The following PUSL1 variants were observed in gnomAD, a reference collection of about 807,000 sequenced individuals.
PUSL1 encodes the protein tRNA pseudouridine synthase-like 1.
A neutral mutation model predicts 30.7 loss-of-function variants in PUSL1; 51 were observed. The ratio of observed to expected loss-of-function variants is 1.66; its 90% confidence interval spans 1.33 to 2.10. The LOEUF is 2.10. Among genes scored for constraint, PUSL1 ranks in the 30% most tolerant of loss-of-function variants. The pLI, the probability that PUSL1 is intolerant of heterozygous loss-of-function variation, is 0.00. For missense variants in PUSL1, 609 were observed against 427.6 expected, an observed-to-expected ratio of 1.42 and a Z score of -3.74; for synonymous variants, 290 against 192.1, an observed-to-expected ratio of 1.51 and a Z score of -4.21.
rs762489649 is a variant in PUSL1 at position 1,308,636 on chromosome 1, G to C, written c.-8G>C. On this transcript the variant is annotated 5_prime_UTR_variant, in exon 1 of 8. Coordinates refer to ENST00000379031, the MANE Select transcript of PUSL1 (RefSeq NM_153339.3). ...GGCCGCCTCTGACGCCACCGGCTGGGCTCCGCCATGAGTTCGGCGCCGGCC... is the reference window on the plus strand; with the variant it reads ...GGCCGCCTCTGACGCCACCGGCTGGCCTCCGCCATGAGTTCGGCGCCGGCC... The C allele has an allele frequency of 6.6e-7, 1 of 1,506,226 alleles. No individual in the cohort carries two copies. The allele number at this position is 1,506,226 out of a possible 1,614,324, so 93.3% of individuals were successfully genotyped here.
chr1:1,309,456 T>A lies in PUSL1; in HGVS notation c.326T>A (p.Val109Asp), dbSNP rs562174379. Residue 109 changes from valine to aspartate, a missense_variant and splice_region_variant, in exon 4 of 8, where the codon GTC becomes GAC. Transcript: ENST00000379031. ...GTGAGCTTTACCTGCCGCCATAGGG[T>A]CCTGCGGGCCTTCCGAGTGCCCAGC... ...NTHLRHPAIR[V>D]LRAFRVPSDF... is the part of the protein sequence containing the mutation. The A allele has an allele frequency of 8.1e-6, 13 of 1,599,654 alleles. No homozygotes were observed. The highest frequency in any genetic ancestry group is 1.1e-5 in the South Asian group (1 of 89,372).
chr1:1,311,211 G>T lies in PUSL1; in HGVS notation c.863-119G>T. On this transcript the variant is annotated intron_variant, in intron 7 of 7. Coordinates refer to ENST00000379031, the MANE Select transcript of PUSL1 (RefSeq NM_153339.3). ...CCCGCCCAGGGCTGCAGTCCCTCAG[G>T]CCAGCCCGTAGCCCGTCCTGGGCTG... The T allele has an allele frequency of 2.1e-6, 3 of 1,410,426 alleles. No individual in the cohort carries two copies. The South Asian group carries it at 4.1e-5, about 19-fold the overall frequency. The allele number at this position is 1,410,426 out of a possible 1,614,324, so 87.4% of individuals were successfully genotyped here. A position where few individuals can be genotyped will look rare whatever the true frequency, so the allele number is the denominator to read the frequency against.
chr1:1,309,854 G>T lies in PUSL1; in HGVS notation c.644+3G>T. 1 of 1,508,472 alleles carries T rather than the reference G, an allele frequency of 6.6e-7. No individual in the cohort carries two copies. Among genetic ancestry groups the T allele is most frequent in the South Asian group, 1.3e-5 (1 of 79,880 alleles). The allele number at this position is 1,508,472 out of a possible 1,614,324, so 93.4% of individuals were successfully genotyped here. On this transcript the variant is annotated splice_donor_region_variant and intron_variant, in intron 5 of 7. Coordinates refer to ENST00000379031, the MANE Select transcript of PUSL1 (RefSeq NM_153339.3). ...TTGGTCACCCCCGAGGAGAGCAGGT[G>T]AGGAAGGGCCCCTGGGCTGTGGCCC...
Position 1,309,773 on chromosome 1 carries a change from C to T in PUSL1, c.566C>T (p.Pro189Leu), listed in dbSNP as rs1206669897. The T allele has an allele frequency of 1.3e-6, 2 of 1,571,196 alleles. No individual in the cohort carries two copies. The highest frequency in any genetic ancestry group is 1.4e-5 in the African/African-American group (1 of 73,858). The change falls in exon 5 of 8, where the codon CCG becomes CTG. Residue 189 changes from proline to leucine, a missense_variant. Transcript: ENST00000379031. The stretch of plus-strand genomic sequence containing the variant: ...TTCCAGTCCGCTGGCAGCCCGGTGC[C>T]GAGCCCCGTGCGAACGCTGCGCCGG... ...SAFQSAGSPV[P>L]SPVRTLRRVS...
chr1:1,311,076 G>A lies in PUSL1; in HGVS notation c.862+5G>A, dbSNP rs377032625. ...CAGTGCTGTACGGGAACCTCGGTAAGAAAAACAGGCACGAGAAGCTCCTGT... is the reference window on the plus strand; with the variant it reads ...CAGTGCTGTACGGGAACCTCGGTAAAAAAAACAGGCACGAGAAGCTCCTGT... On this transcript the variant is annotated splice_donor_5th_base_variant and intron_variant, in intron 7 of 7. Coordinates refer to ENST00000379031, the MANE Select transcript of PUSL1 (RefSeq NM_153339.3). 6 of 1,593,910 alleles carry A rather than the reference G, an allele frequency of 3.8e-6. No homozygotes were observed. The highest frequency in any genetic ancestry group is 5.1e-6 in the Non-Finnish European group (6 of 1,166,038).
chr1:1,309,677 G>A lies in PUSL1; in HGVS notation c.474-4G>A. On this transcript the variant is annotated splice_region_variant and splice_polypyrimidine_tract_variant and intron_variant, in intron 4 of 7. Coordinates refer to ENST00000379031, the MANE Select transcript of PUSL1 (RefSeq NM_153339.3). ...CCTCCTGACGGTCACCCTGGTCCCTGAAGCTGCCTGGATATGGTCGCCATG... is the reference window on the plus strand; with the variant it reads ...CCTCCTGACGGTCACCCTGGTCCCTAAAGCTGCCTGGATATGGTCGCCATG... The A allele has an allele frequency of 6.3e-7, 1 of 1,595,802 alleles. No homozygotes were observed. Among genetic ancestry groups the A allele is most frequent in the Non-Finnish European group, 8.6e-7 (1 of 1,167,370 alleles).
In PUSL1 at chr1:1,308,933, G is replaced by T; in HGVS notation, c.96G>T (p.Arg32Ser). Residue 32 changes from arginine to serine, a missense_variant, in exon 2 of 8, where the codon AGG becomes AGT. Arg to Ser is a moderately radical substitution (Grantham distance 110). Transcript: ENST00000379031. ...CCCGCAGCGGGGTCGCGGCCGTCAG[G>T]GGCACTCAGCGCGCCGTCGGGGTCC... ...GTDFNGVAAV[R>S]GTQRAVGVQN... The T allele has an allele frequency of 1.4e-6, 2 of 1,421,174 alleles. No homozygotes were observed. Among genetic ancestry groups the T allele is most frequent in the Non-Finnish European group, 9.2e-7 (1 of 1,091,014 alleles). The allele number at this position is 1,421,174 out of a possible 1,614,324, so 88.0% of individuals were successfully genotyped here.
At position 1,308,946 on chromosome 1, in the gene PUSL1, G is replaced by A. The variant is rs1177429105; in HGVS notation, c.109G>A (p.Ala37Thr). The A allele has an allele frequency of 7.0e-7, 1 of 1,420,358 alleles. No individual in the cohort carries two copies. Among genetic ancestry groups the A allele is most frequent in the Non-Finnish European group, 9.2e-7 (1 of 1,090,848 alleles). 88.0% of individuals were successfully genotyped at this position (1,420,358 alleles called of 1,614,324 possible). The change falls in exon 2 of 8, where the codon GCC (alanine) becomes ACC (threonine). Residue 37 changes from alanine (A) to threonine (T), a missense_variant. Physicochemically the swap from Ala to Thr is moderately conservative, Grantham distance 58 (BLOSUM62 0). Coordinates refer to ENST00000379031, the MANE Select transcript of PUSL1 (RefSeq NM_153339.3). ...GVAAVRGTQRAVGVQNYLEEA... is the reference protein window; with the variant it reads ...GVAAVRGTQRTVGVQNYLEEA... ...CGCGGCCGTCAGGGGCACTCAGCGC[G>A]CCGTCGGGGTCCAGAACTACCTGGA...
chr1:1,311,054 T>G lies in PUSL1; in HGVS notation c.845T>G (p.Val282Gly). 6.2e-7 allele frequency: 1 copy of G among 1,606,432 alleles called. No individual in the cohort carries two copies. Among genetic ancestry groups the G allele is most frequent in the Non-Finnish European group, 8.5e-7 (1 of 1,174,954 alleles). Reference protein sequence around the residue: ...APAHGLFLKSVLYGNLGAASC... With the variant: ...APAHGLFLKSGLYGNLGAASC... Reference sequence around the variant, plus strand: ...GCCCACGGCTTATTCCTCAAGTCAGTGCTGTACGGGAACCTCGGTAAGAAA... The same window carrying G: ...GCCCACGGCTTATTCCTCAAGTCAGGGCTGTACGGGAACCTCGGTAAGAAA... Residue 282 changes from valine to glycine, a missense_variant, in exon 7 of 8, where the codon GTG (valine) becomes GGG (glycine). Physicochemically the swap from Val to Gly is moderately radical, Grantham distance 109. Transcript: ENST00000379031.
chr1:1,309,219 C>A lies in PUSL1; in HGVS notation c.269C>A (p.Pro90Gln). 6.6e-7 allele frequency: 1 copy of A among 1,521,750 alleles called. No individual in the cohort carries two copies. Among genetic ancestry groups the A allele is most frequent in the Non-Finnish European group, 8.7e-7 (1 of 1,142,958 alleles). The allele number at this position is 1,521,750 out of a possible 1,614,324, so 94.3% of individuals were successfully genotyped here. A position where few individuals can be genotyped will look rare whatever the true frequency, so the allele number is the denominator to read the frequency against. Residue 90 changes from proline (P) to glutamine (Q), a missense_variant, in exon 3 of 8, where the codon CCG becomes CAG. Physicochemically the swap from Pro to Gln is moderately conservative, Grantham distance 76. Transcript: ENST00000379031. ...CGCCGCTCAGGCCGGCCGCCCTTCCCGCCCGAGGTCCTGGCCGAGGCCCTC... is the reference window on the plus strand; with the variant it reads ...CGCCGCTCAGGCCGGCCGCCCTTCCAGCCCGAGGTCCTGGCCGAGGCCCTC... ...VQRRSGRPPFPPEVLAEALNT... is the reference protein window; with the variant it reads ...VQRRSGRPPFQPEVLAEALNT...
Position 1,309,222 on chromosome 1 carries a change from C to G in PUSL1, c.272C>G (p.Pro91Arg), listed in dbSNP as rs775701586. 1.2e-4 allele frequency: 179 copies of G among 1,519,470 alleles called. No homozygotes were observed. The highest frequency in any genetic ancestry group is 1.5e-4 in the Non-Finnish European group (175 of 1,142,076). The allele number at this position is 1,519,470 out of a possible 1,614,324, so 94.1% of individuals were successfully genotyped here. A position where few individuals can be genotyped will look rare whatever the true frequency, so the allele number is the denominator to read the frequency against. Residue 91 changes from proline (P) to arginine (R), a missense_variant, in exon 3 of 8, where the codon CCC becomes CGC. Pro to Arg is a moderately radical substitution (Grantham distance 103, BLOSUM62 -2). Coordinates refer to ENST00000379031, the MANE Select transcript of PUSL1 (RefSeq NM_153339.3). ...CGCTCAGGCCGGCCGCCCTTCCCGCCCGAGGTCCTGGCCGAGGCCCTCAAC... is the reference window on the plus strand; with the variant it reads ...CGCTCAGGCCGGCCGCCCTTCCCGCGCGAGGTCCTGGCCGAGGCCCTCAAC... Reference protein sequence around the residue: ...QRRSGRPPFPPEVLAEALNTH... With the variant: ...QRRSGRPPFPREVLAEALNTH...
chr1:1,308,817 T>G (rs1641916281), intron 1 of PUSL1, 97 bp downstream of exon 1: 1 of 1,441,130 alleles, frequency 6.9e-7, no homozygotes, highest in African/African-American at 1.5e-5. Flanking sequence ...GGACGCGGGT[T>G]CCAAACGTTC....
At chr1:1,311,225 C>A (rs540616703) in intron 7 of PUSL1, 105 bp from the exon 8 acceptor site, 1 of 1,393,056 alleles carries the variant, frequency 7.2e-7, no homozygotes, top group Non-Finnish European at 9.6e-7. Context: ...GCCCGTAGCC[C>A]GTCCTGGGCT....
chr1:1,311,384 G>A lies in PUSL1; in HGVS notation c.*5G>A. On this transcript the variant is annotated 3_prime_UTR_variant, in exon 8 of 8. Coordinates refer to ENST00000379031, the MANE Select transcript of PUSL1 (RefSeq NM_153339.3). ...CAGTTCGGGAGCCACGGATGACCCT[G>A]GACACTCAAGCCAAAGTTAGGCCAC... 1.2e-6 allele frequency: 2 copies of A among 1,602,238 alleles called. No individual in the cohort carries two copies. Among genetic ancestry groups the A allele is most frequent in the Admixed American group, 1.7e-5 (1 of 59,054 alleles).
chr1:1,311,307 C>A (rs763696365), intron 7 of PUSL1, 23 bp from the exon 8 acceptor site: 3 of 1,533,552 alleles, frequency 2.0e-6, no homozygotes, highest in South Asian at 1.2e-5. Flanking sequence ...CCCAGGCTGA[C>A]GCAGGGTCTG....
rs757759017 is a variant in PUSL1 at position 1,311,067 on chromosome 1, C to G, written c.858C>G (p.Asn286Lys). 4.4e-6 allele frequency: 7 copies of G among 1,597,180 alleles called. No homozygotes were observed. Among genetic ancestry groups the G allele is most frequent in the East Asian group, 4.5e-5 (2 of 44,500 alleles). The change falls in exon 7 of 8, where the codon AAC becomes AAG. Residue 286 changes from asparagine to lysine, a missense_variant. Transcript: ENST00000379031. ...TCCTCAAGTCAGTGCTGTACGGGAACCTCGGTAAGAAAAACAGGCACGAGA... is the reference window on the plus strand; with the variant it reads ...TCCTCAAGTCAGTGCTGTACGGGAAGCTCGGTAAGAAAAACAGGCACGAGA... The part of the protein sequence containing the change: ...GLFLKSVLYG[N>K]LGAASCTLQG...
Position 1,311,354 on chromosome 1 carries a change from G to A in PUSL1, c.887G>A (p.Gly296Glu), listed in dbSNP as rs779967837. 5.0e-6 allele frequency: 8 copies of A among 1,594,884 alleles called. No homozygotes were observed. Among genetic ancestry groups the A allele is most frequent in the African/African-American group, 1.3e-5 (1 of 74,768 alleles). The change falls in exon 8 of 8, where the codon GGG becomes GAG. Residue 296 changes from glycine to glutamate, a missense_variant. Coordinates refer to ENST00000379031, the MANE Select transcript of PUSL1 (RefSeq NM_153339.3). Reference protein sequence around the residue: ...NLGAASCTLQGPQFGSHG With the variant: ...NLGAASCTLQEPQFGSHG ...GGTGCTGCCTCCTGCACCCTGCAGG[G>A]GCCACAGTTCGGGAGCCACGGATGA...
At chr1:1,309,628 A>G in intron 4 of PUSL1, 25 bp downstream of exon 4, 1 of 1,597,226 alleles carries the variant, frequency 6.3e-7, no homozygotes, top group African/African-American at 1.3e-5. Context: ...GACAGCGGGG[A>G]GGGGGCGGGC....
chr1:1,311,343 C>T lies in PUSL1; in HGVS notation c.876C>T (p.Cys292=). 2 of 1,588,352 alleles carry T rather than the reference C, an allele frequency of 1.3e-6. No homozygotes were observed. The highest frequency in any genetic ancestry group is 1.1e-5 in the South Asian group (1 of 88,264). ...VLYGNLGAAS[C]TLQGPQFGSH... ...GTCCGTCCACAGGTGCTGCCTCCTGCACCCTGCAGGGGCCACAGTTCGGGA... is the reference window on the plus strand; with the variant it reads ...GTCCGTCCACAGGTGCTGCCTCCTGTACCCTGCAGGGGCCACAGTTCGGGA... The change falls in exon 8 of 8, where the codon TGC becomes TGT. Residue 292 remains cysteine, a synonymous_variant. Coordinates refer to ENST00000379031, the MANE Select transcript of PUSL1 (RefSeq NM_153339.3).
Sources: allele counts gnomAD v4.1 joint callset, GRCh38; gene constraint gnomAD v4.1.1; transcripts MANE v1.5; gene names NCBI Gene and HGNC (gene_info 2026-07-23, HGNC 2026-07-21).